COL17A1: variants seen among roughly 807,000 people sequenced by gnomAD.
COL17A1 encodes collagen alpha-1(XVII) chain.
COL17A1 carries 181 observed loss-of-function variants against 218.4 expected under a neutral mutation model. The observed-to-expected ratio is 0.83, with a 90% CI of 0.73 to 0.94. The LOEUF (loss-of-function observed/expected upper bound fraction) is 0.94, where lower values mean the gene tolerates loss of function less well. Among genes scored for constraint, COL17A1 ranks in the 40% least tolerant of loss-of-function variants. COL17A1 has a pLI of 0.00. For missense variants in COL17A1, 1,924 were observed against 1,945.9 expected (o/e 0.99, Z 0.21); for synonymous variants, 721 against 731.0 (o/e 0.99, Z 0.22).
chr10:104,055,070 T>C, intron 19 of COL17A1, 63 bp from the exon 20 acceptor site: 1 of 1,608,650 alleles, frequency 6.2e-7, no homozygotes, highest in Non-Finnish European at 8.5e-7. Flanking sequence ...ATACTCTGCC[T>C]TGTATTTTAA....
In COL17A1 at chr10:104,041,343, C is replaced by T; in HGVS notation, c.2607G>A (p.Gly869=). The T allele has an allele frequency of 6.2e-7, 1 of 1,610,674 alleles. No individual in the cohort carries two copies. Among genetic ancestry groups the T allele is most frequent in the Non-Finnish European group, 8.5e-7 (1 of 1,178,614 alleles). ...PGPPGPRGPP[G]PSIPGPPGPR... ...GTCCTGGTGGGCCTGGAATGGAAGG[C>T]CCTGCAGAAGAGAGCAAGGAAGAGG... Residue 869 remains glycine, a splice_region_variant and synonymous_variant, in exon 38 of 56, where the codon GGG becomes GGA. Coordinates refer to ENST00000648076, the MANE Select transcript of COL17A1 (RefSeq NM_000494.4).
chr10:104,063,451 A>C, intron 11 of COL17A1: 2 of 425,236 alleles, frequency 4.7e-6, no homozygotes, highest in Non-Finnish European at 8.8e-6. Flanking sequence ...TACCCTGAAA[A>C]TGTCCTACAC....
intron 22 of COL17A1, 114 bp downstream of exon 22, chr10:104,053,806 G>T: frequency 1.4e-6 from 1 of 730,884 alleles, no homozygotes; most frequent in Non-Finnish European, 2.5e-6. Flanking sequence ...TTGGTTCACT[G>T]GTGTCTCTCC....
chr10:104,070,483 G>T lies in COL17A1; in HGVS notation c.550C>A (p.Pro184Thr). ...SPTRNSSNTL[P>T]IPKKGTVETK... ...TCCACAGTGCCTTTCTTGGGGATGGGGAGTGTGTTGGAGGAATTCCGGGTG... is the reference window on the plus strand; with the variant it reads ...TCCACAGTGCCTTTCTTGGGGATGGTGAGTGTGTTGGAGGAATTCCGGGTG... Residue 184 changes from proline (P) to threonine (T), a missense_variant, in exon 9 of 56, where the codon CCC becomes ACC. Physicochemically the swap from Pro to Thr is conservative, Grantham distance 38. Transcript: ENST00000648076. 1 of 1,614,184 alleles carries T rather than the reference G, an allele frequency of 6.2e-7. No individual in the cohort carries two copies. The highest frequency in any genetic ancestry group is 8.5e-7 in the Non-Finnish European group (1 of 1,180,048).
chr10:104,040,150 G>A, intron 40 of COL17A1, 151 bp from the exon 41 acceptor site: 1 of 1,015,448 alleles, frequency 9.8e-7, no homozygotes. Flanking sequence ...GGCCAATGTT[G>A]GGTGGCTATC....
chr10:104,067,668 G>A (rs1448979617), intron 9 of COL17A1, among the ~76,000 whole-genome samples: 1 of 152,148 alleles, frequency 6.6e-6, no homozygotes, highest in Non-Finnish European at 1.5e-5. Flanking sequence ...GCAGCTGCAG[G>A]TGTGGGGGCG....
In COL17A1 at chr10:104,035,251, A is replaced by G. The variant is rs760742089; in HGVS notation, c.3619+12T>C. 1.9e-6 allele frequency: 3 copies of G among 1,608,894 alleles called. No individual in the cohort carries two copies. The highest frequency in any genetic ancestry group is 2.2e-5 in the East Asian group (1 of 44,800). ...TCCCCTGCCCTCCCCATCCCACTCCACAGTGCCCTACTATGTAAGTAAGAC... is the reference window on the plus strand; with the variant it reads ...TCCCCTGCCCTCCCCATCCCACTCCGCAGTGCCCTACTATGTAAGTAAGAC... On this transcript the variant is annotated intron_variant, in intron 50 of 55. Coordinates refer to ENST00000648076, the MANE Select transcript of COL17A1 (RefSeq NM_000494.4).
chr10:104,072,444 G>T (rs1353518172), intron 7 of COL17A1, among the ~76,000 whole-genome samples: 1 of 152,226 alleles, frequency 6.6e-6, no homozygotes, highest in African/African-American at 2.4e-5. Context: ...ATTGGCAAAA[G>T]ATTCTAAAAG....
rs932600262 is a variant in COL17A1, at chr10:104,047,724, T to C, written c.2335+15A>G. The C allele has an allele frequency of 7.5e-6, 12 of 1,610,598 alleles. No homozygotes were observed. The highest frequency in any genetic ancestry group is 1.0e-5 in the Non-Finnish European group (12 of 1,176,966). On this transcript the variant is annotated intron_variant, in intron 31 of 55. Transcript: ENST00000648076. ...CACTAAGCAGGGCCATGGCTCCCTCTTCCTGCTCTGTTACCTGGCTTTCCT... is the reference window on the plus strand; with the variant it reads ...CACTAAGCAGGGCCATGGCTCCCTCCTCCTGCTCTGTTACCTGGCTTTCCT...
chr10:104,085,878 G>A lies in COL17A1; in HGVS notation c.-167C>T, dbSNP rs2086801556. ...TAAAGCTGAGTGATCTTTCAAAAAT[G>A]TTCACTTTTCTTTCTCTCCACCTTG... is the stretch of plus-strand genomic sequence containing the variant. On this transcript the variant is annotated 5_prime_UTR_variant, in exon 1 of 56. Coordinates refer to ENST00000648076, the MANE Select transcript of COL17A1 (RefSeq NM_000494.4). The A allele has an allele frequency of 6.6e-6, 1 of 152,444 alleles. No individual in the cohort carries two copies. The highest frequency in any genetic ancestry group is 1.5e-5 in the Non-Finnish European group (1 of 67,992). 9.4% of individuals were successfully genotyped at this position (152,444 alleles called of 1,614,324 possible).
intron 44 of COL17A1, 40 bp from the exon 45 acceptor site, chr10:104,038,568 C>T (rs769798930): frequency 4.4e-6 from 7 of 1,604,022 alleles, no homozygotes; most frequent in Non-Finnish European, 5.1e-6. Flanking sequence ...GTTTCTCCAC[C>T]CTAGGGTCAG....
chr10:104,074,350 G>C, intron 5 of COL17A1, 119 bp from the exon 6 acceptor site: 2 of 1,411,114 alleles, frequency 1.4e-6, no homozygotes, highest in Non-Finnish European at 1.0e-6. Flanking sequence ...GTTTCAGGGG[G>C]GAATGAGGTA....
rs1373421382 is a variant in COL17A1, at chr10:104,038,289, GCCCTACATCGT to G, written c.3070+106_3070+116del. ...ACACACACACACACACACTCCCACTGCCCTACATCGTCCCATGTCTCTTAGCCTCATTTCTG... is the reference window on the plus strand; with the variant it reads ...ACACACACACACACACACTCCCACTGCCCATGTCTCTTAGCCTCATTTCTG... On this transcript the variant is annotated intron_variant, in intron 45 of 55. Transcript: ENST00000648076. 4.3e-6 allele frequency: 5 copies of G among 1,176,412 alleles called. No homozygotes were observed. In the East Asian group the frequency reaches 1.2e-4, roughly 29 times the overall value. The allele number at this position is 1,176,412 out of a possible 1,614,324, so 72.9% of individuals were successfully genotyped here. A position where few individuals can be genotyped will look rare whatever the true frequency, so the allele number is the denominator to read the frequency against.
Position 104,056,962 on chromosome 10 carries a change from C to T in COL17A1, c.1465+13G>A. 6.4e-7 allele frequency: 1 copy of T among 1,561,716 alleles called. No homozygotes were observed. Among genetic ancestry groups the T allele is most frequent in the Non-Finnish European group, 8.7e-7 (1 of 1,153,736 alleles). On this transcript the variant is annotated intron_variant, in intron 17 of 55. Transcript: ENST00000648076. ...CCTACCACACAGGCTGCCCTGCTGCCTTTGCCACGTACCCAGAGCAATGAG... is the reference window on the plus strand; with the variant it reads ...CCTACCACACAGGCTGCCCTGCTGCTTTTGCCACGTACCCAGAGCAATGAG...
intron 35 of COL17A1, among the ~76,000 whole-genome samples, 168 bp from the exon 36 acceptor site, chr10:104,042,623 G>C (rs2086371433): frequency 6.6e-6 from 1 of 152,230 alleles, no homozygotes; most frequent in South Asian, 2.1e-4. Context: ...AGTTGCGTGA[G>C]AACATCTCTG....
Position 104,061,695 on chromosome 10 carries a change from C to T in COL17A1, c.911-222G>A, listed in dbSNP as rs138545355. 1.0e-3 allele frequency among the ~76,000 whole-genome samples: 155 copies of T among 152,282 alleles called. 1 individual carries two copies. In the East Asian group the frequency reaches 0.011, roughly 11 times the overall value. On this transcript the variant is annotated intron_variant, in intron 12 of 55. Coordinates refer to ENST00000648076, the MANE Select transcript of COL17A1 (RefSeq NM_000494.4). ...GCTACTTCCAGGAAGTCCTCCTAGA[C>T]CCCCATGCATCTCCTTCTCTCCTGA...
chr10:104,036,768 G>A (rs2086303946), intron 47 of COL17A1, 136 bp from the exon 48 acceptor site: 12 of 1,090,746 alleles, frequency 1.1e-5, no homozygotes, highest in Non-Finnish European at 1.3e-5. Flanking sequence ...GCAGGACCAC[G>A]GTGTTCAGGG....
At chr10:104,036,105 A>AGTGAGT (rs2086291258) in intron 48 of COL17A1, among the ~76,000 whole-genome samples, 4 of 828 alleles carry the variant, frequency 4.8e-3, no homozygotes, top group African/African-American at 5.3e-3. Flanking sequence ...TGTGTATGGG[A>AGTGAGT]GTGTGTGTGT....
At chr10:104,034,909 CAGG>C in intron 50 of COL17A1, 142 bp from the exon 51 acceptor site, 1 of 1,023,442 alleles carries the variant, frequency 9.8e-7, no homozygotes, top group Non-Finnish European at 1.4e-6. Context: ...GAGAGAAAAG[CAGG>C]AGGCCAGAGC....
Sources: gnomAD v4.1 joint callset for allele counts (sites outside exome capture counted in the v4.1 genomes callset) on GRCh38, gnomAD v4.1.1 for gene constraint, MANE v1.5 for transcripts, NCBI Gene and HGNC (gene_info 2026-07-23, HGNC 2026-07-21) for gene names.